The following CDH18 variants were observed in gnomAD, a reference collection of about 807,000 sequenced individuals.
The protein encoded by CDH18 is cadherin 18, also known as cadherin-18.
Under a neutral mutation model 67.9 loss-of-function variants are expected in CDH18, and 31 were observed. The observed-to-expected ratio is 0.46, with a 90% CI of 0.34 to 0.62. The LOEUF (loss-of-function observed/expected upper bound fraction) is 0.62, where lower values mean the gene tolerates loss of function less well. CDH18 is among the 20% of genes least tolerant of loss of function. CDH18 has a pLI of 0.01. For missense variants in CDH18, 890 were observed against 975.5 expected, an observed-to-expected ratio of 0.91 and a Z score of 1.17; for synonymous variants, 362 against 347.2, an observed-to-expected ratio of 1.04 and a Z score of -0.48.
At chr5:19,717,497 C>A (rs1250930345) in intron 5 of CDH18, among the ~76,000 whole-genome samples, 1 of 152,116 alleles carries the variant, frequency 6.6e-6, no homozygotes, top group South Asian at 2.1e-4. Flanking sequence ...GGAACTAGTT[C>A]TTTTGTGTAG....
At chr5:20,077,838 A>T (rs1744082352) in intron 2 of CDH18, among the ~76,000 whole-genome samples, 1 of 152,172 alleles carries the variant, frequency 6.6e-6, no homozygotes, top group Non-Finnish European at 1.5e-5. Context: ...GAAATTTTGT[A>T]TAAAACAAAA....
intron 3 of CDH18, among the ~76,000 whole-genome samples, chr5:19,815,649 C>T (rs534268817): frequency 2.0e-5 from 3 of 151,618 alleles, no homozygotes; most frequent in Admixed American, 2.0e-4. Flanking sequence ...GTATTTTATG[C>T]CCTCTATATT....
rs892535835 is a variant in CDH18, at chr5:20,253,431, AC to A, written c.-518+2012del. Among the ~76,000 whole-genome samples, 13 of 152,316 alleles carry A rather than the reference AC, an allele frequency of 8.5e-5. No homozygotes were observed. The East Asian group carries it at 2.1e-3, about 25-fold the overall frequency. ...GTTTGACATAATTAAAATGATAGAC[AC>A]CAAATTCAAAATCTGGATGCTAAGG... On this transcript the variant is annotated intron_variant, in intron 2 of 14. Coordinates refer to the CDH18 transcript ENST00000507958.
In CDH18 at chr5:20,170,462, A is replaced by C. The variant is rs1580393943; in HGVS notation, c.-518+84982T>G. On this transcript the variant is annotated intron_variant, in intron 2 of 14. Coordinates refer to the CDH18 transcript ENST00000507958. ...CTTTACAATCAACTATATCTTGGTA[A>C]AATTAAACTATCAGAGAAATATTCT... 2.0e-5 allele frequency among the ~76,000 whole-genome samples: 3 copies of C among 152,220 alleles called. No individual in the cohort carries two copies. The East Asian group carries it at 5.8e-4, about 29-fold the overall frequency.
chr5:19,797,969 G>T (rs1249984998), intron 3 of CDH18, among the ~76,000 whole-genome samples: 3 of 152,028 alleles, frequency 2.0e-5, no homozygotes, highest in African/African-American at 7.2e-5. Flanking sequence ...GTTGCAGAGA[G>T]AAACATAGAT....
rs768890000 is a variant in CDH18 at position 19,625,322 on chromosome 5, G to GT, written c.644-12722dup. Among the ~76,000 whole-genome samples the GT allele has an allele frequency of 7.1e-3, 1,045 of 147,460 alleles. 14 individuals are homozygous for GT. Among genetic ancestry groups the GT allele is most frequent in the African/African-American group, 0.024 (971 of 40,146 alleles). On this transcript the variant is annotated intron_variant, in intron 5 of 12. Transcript: ENST00000382275. ...AATTCTTGTTTTTGACAAATTATTT[G>GT]TTTTTTTTTTCCCCACTAGAACAAA...
At chr5:19,917,629 G>GT (rs1166011212) in intron 2 of CDH18, among the ~76,000 whole-genome samples, 1 of 152,114 alleles carries the variant, frequency 6.6e-6, no homozygotes, top group Non-Finnish European at 1.5e-5. Context: ...TTCATTCCGT[G>GT]TATCGCTCAT....
intron 2 of CDH18, among the ~76,000 whole-genome samples, chr5:20,024,879 T>C (rs1738757553): frequency 1.3e-5 from 2 of 152,118 alleles, no homozygotes; most frequent in African/African-American, 4.8e-5. Flanking sequence ...AGGCAGTGGA[T>C]TTGAATACTG....
chr5:20,472,436 C>T (rs952175322), intron 1 of CDH18, among the ~76,000 whole-genome samples: 1 of 151,950 alleles, frequency 6.6e-6, no homozygotes, highest in Non-Finnish European at 1.5e-5. Context: ...ACAAATGTAC[C>T]ACCTTGTGCC....
At position 20,254,755 on chromosome 5, in the gene CDH18, C is replaced by A. The variant is rs562555881; in HGVS notation, c.-518+689G>T. Among the ~76,000 whole-genome samples the A allele has an allele frequency of 5.5e-4, 84 of 152,260 alleles. 1 individual carries two copies. Among genetic ancestry groups the A allele is most frequent in the Non-Finnish European group, 9.7e-4 (66 of 68,014 alleles). ...CAGCTACCATTCAATCCAGCAATTG[C>A]ACTACTGTGTATATACCCAAAGGAA... On this transcript the variant is annotated intron_variant, in intron 2 of 14. Coordinates refer to the CDH18 transcript ENST00000507958.
chr5:19,976,462 T>C (rs1798515136), intron 2 of CDH18, among the ~76,000 whole-genome samples: 1 of 152,098 alleles, frequency 6.6e-6, no homozygotes, highest in South Asian at 2.1e-4. Flanking sequence ...CTTTCAACAG[T>C]CTCAAAGAAT....
At chr5:20,089,955 A>T (rs1160241107) in intron 2 of CDH18, among the ~76,000 whole-genome samples, 4 of 152,182 alleles carry the variant, frequency 2.6e-5, no homozygotes, top group African/African-American at 9.6e-5. Flanking sequence ...AACCTGATAC[A>T]TCTAAGCTTT....
At chr5:19,884,043 C>T (rs1388839780) in intron 2 of CDH18, among the ~76,000 whole-genome samples, 2 of 151,956 alleles carry the variant, frequency 1.3e-5, no homozygotes, top group Non-Finnish European at 2.9e-5. Context: ...CATGGGTTGT[C>T]AGTTGGATAT....
intron 2 of CDH18, among the ~76,000 whole-genome samples, chr5:20,240,614 T>C (rs1305467430): frequency 6.6e-6 from 1 of 152,220 alleles, no homozygotes; most frequent in Non-Finnish European, 1.5e-5. Flanking sequence ...TTTTGAAATA[T>C]ATTCTTTCTA....
chr5:19,965,505 T>G (rs911889601), intron 2 of CDH18, among the ~76,000 whole-genome samples: 1 of 152,168 alleles, frequency 6.6e-6, no homozygotes, highest in African/African-American at 2.4e-5. Flanking sequence ...ATACAGGAAA[T>G]GACAAGCAGA....
intron 7 of CDH18, among the ~76,000 whole-genome samples, chr5:19,582,312 C>A (rs771779944): frequency 2.0e-5 from 3 of 151,964 alleles, no homozygotes; most frequent in Non-Finnish European, 4.4e-5. Flanking sequence ...TAGCTTAATT[C>A]ATCAAGATGT....
chr5:20,177,750 G>A (rs1165441241), intron 2 of CDH18, among the ~76,000 whole-genome samples: 1 of 151,974 alleles, frequency 6.6e-6, no homozygotes, highest in Non-Finnish European at 1.5e-5. Flanking sequence ...TCATGGGGGT[G>A]GTTTCCCCCA....
intron 1 of CDH18, among the ~76,000 whole-genome samples, chr5:20,527,950 A>T (rs1397755070): frequency 6.6e-6 from 1 of 152,150 alleles, no homozygotes; most frequent in Non-Finnish European, 1.5e-5. Context: ...TGCCCCAATT[A>T]AAAGACACAG....
chr5:20,266,262 G>GACTAAC (rs113509368), intron 1 of CDH18, among the ~76,000 whole-genome samples: 1 of 151,424 alleles, frequency 6.6e-6, no homozygotes, highest in African/African-American at 2.4e-5. Context: ...GAAGAACCCT[G>GACTAAC]ACACTAGAGA....
Sources: gnomAD v4.1 joint callset for allele counts (sites outside exome capture counted in the v4.1 genomes callset) on GRCh38, gnomAD v4.1.1 for gene constraint, MANE v1.5 for transcripts, NCBI Gene and HGNC (gene_info 2026-07-23, HGNC 2026-07-21) for gene names.